Variants in UNC13C observed in about 807,000 individuals in gnomAD.
The protein encoded by UNC13C is protein unc-13 homolog C.
In UNC13C, 174 loss-of-function variants were observed where a neutral mutation model predicts 245.4. That is an observed-to-expected ratio of 0.71 (90% CI 0.63 to 0.80). The LOEUF (loss-of-function observed/expected upper bound fraction) is 0.80, where lower values mean the gene tolerates loss of function less well. UNC13C is among the 30% of genes least tolerant of loss of function. UNC13C has a pLI of 0.00. For synonymous variants in UNC13C, 992 were observed against 895.1 expected, an observed-to-expected ratio of 1.11 and a Z score of -1.93; for missense variants, 2,829 against 2,602.9, an observed-to-expected ratio of 1.09 and a Z score of -1.89.
chr15:54,463,281 G>GGGGGGGGGGGC (rs1221917189), intron 19 of UNC13C, among the ~76,000 whole-genome samples: 3 of 69,020 alleles, frequency 4.3e-5, no homozygotes, highest in Admixed American at 2.7e-4. Context: ...GGGGGGGGGG[G>GGGGGGGGGGGC]GCCGGTCAGG....
At chr15:54,315,881 C>A (rs1434318729) in intron 13 of UNC13C, among the ~76,000 whole-genome samples, 1 of 151,830 alleles carries the variant, frequency 6.6e-6, no homozygotes, top group African/African-American at 2.4e-5. Flanking sequence ...GACAGTTATT[C>A]CTCTCTGAAT....
the UNC13C span, among the ~76,000 whole-genome samples, chr15:53,884,044 C>T: frequency 7.5e-3 from 1,138 of 152,104 alleles, 9 homozygotes; most frequent in African/African-American, 0.026. Flanking sequence ...GAAATGATGC[C>T]GGTACCGTGC....
At chr15:54,279,867 T>C (rs180812398) in intron 10 of UNC13C, among the ~76,000 whole-genome samples, 19 of 152,288 alleles carry the variant, frequency 1.2e-4, no homozygotes, top group African/African-American at 3.4e-4. Flanking sequence ...CTGTATTTTG[T>C]TTACTGTAGG....
the UNC13C span, among the ~76,000 whole-genome samples, chr15:53,839,298 C>G: frequency 7.2e-5 from 11 of 152,054 alleles, no homozygotes; most frequent in Non-Finnish European, 1.0e-4. Context: ...ACAAGATGAA[C>G]AGGATGAAAG....
At chr15:54,058,655 C>T (rs1897655032) in intron 2 of UNC13C, among the ~76,000 whole-genome samples, 2 of 152,146 alleles carry the variant, frequency 1.3e-5, no homozygotes, top group African/African-American at 4.8e-5. Flanking sequence ...AGAGACACAA[C>T]CAAAATAGAG....
rs1332053071 is a variant in UNC13C, at chr15:54,013,278, T to A, written c.375T>A (p.Ser125Arg). The A allele has an allele frequency of 1.2e-6, 2 of 1,613,676 alleles. No individual in the cohort carries two copies. The highest frequency in any genetic ancestry group is 2.2e-5 in the South Asian group (2 of 91,072). Reference sequence around the variant, plus strand: ...TTCAAGAGCTCTCTTCAATCGAGAGTTCCTACTCAGAATCATTAAATGAAC... The same window carrying A: ...TTCAAGAGCTCTCTTCAATCGAGAGATCCTACTCAGAATCATTAAATGAAC... ...DLLQELSSIE[S>R]SYSESLNELR... The change falls in exon 2 of 33, where the codon AGT becomes AGA. Residue 125 changes from serine (S) to arginine (R), a missense_variant. Ser to Arg is a moderately radical substitution (Grantham distance 110, BLOSUM62 -1). Coordinates refer to ENST00000260323, the MANE Select transcript of UNC13C (RefSeq NM_001080534.3).
At chr15:54,304,653 T>TAA (rs55692010) in intron 13 of UNC13C, among the ~76,000 whole-genome samples, 33,337 of 122,978 alleles carry the variant, frequency 0.27, 4,564 homozygotes, top group Admixed American at 0.37. Flanking sequence ...GAGATGTAAC[T>TAA]AAAAAAAAAA....
intron 16 of UNC13C, among the ~76,000 whole-genome samples, chr15:54,335,939 C>T (rs1475923411): frequency 6.6e-6 from 1 of 151,972 alleles, no homozygotes; most frequent in Admixed American, 6.6e-5. Flanking sequence ...TTGGGATTTT[C>T]CATGTTATGT....
intron 2 of UNC13C, among the ~76,000 whole-genome samples, chr15:54,072,398 A>T (rs1595808231): frequency 6.6e-6 from 1 of 152,312 alleles, no homozygotes; most frequent in South Asian, 2.1e-4. Flanking sequence ...ATTTTCCATC[A>T]GAATGCCCAG....
At chr15:54,288,641 G>A (rs995095572) in intron 10 of UNC13C, among the ~76,000 whole-genome samples, 1 of 152,084 alleles carries the variant, frequency 6.6e-6, no homozygotes, top group Non-Finnish European at 1.5e-5. Flanking sequence ...CTAAAAAAGG[G>A]AAGGAGAGGA....
intron 1 of UNC13C, among the ~76,000 whole-genome samples, chr15:53,997,350 T>G (rs1265582333): frequency 6.6e-6 from 1 of 152,198 alleles, no homozygotes; most frequent in Non-Finnish European, 1.5e-5. Flanking sequence ...AGTCAATCTG[T>G]GACTTGCCTT....
intron 2 of UNC13C, among the ~76,000 whole-genome samples, chr15:54,080,006 G>GTTTTTTT (rs3985784): frequency 0.3 from 38,660 of 127,578 alleles, 7,175 homozygotes; most frequent in Non-Finnish European, 0.4. Flanking sequence ...TTGTCGAGCG[G>GTTTTTTT]TTTTTTTTTT....
At chr15:54,203,721 C>CATATATACACATATACATATATATGT (rs2034603644) in intron 4 of UNC13C, among the ~76,000 whole-genome samples, 8 of 140,584 alleles carry the variant, frequency 5.7e-5, no homozygotes, top group Middle Eastern at 3.8e-3. Flanking sequence ...TATATACACA[C>CATATATACACATATACATATATATGT]ATATATACAC....
chr15:54,566,054 C>T (rs1354658938), intron 29 of UNC13C, among the ~76,000 whole-genome samples: 1 of 151,952 alleles, frequency 6.6e-6, no homozygotes, highest in Non-Finnish European at 1.5e-5. Context: ...AAAGTGCCTT[C>T]CTTTCCAGAG....
chr15:54,239,414 T>G (rs2035793107), intron 7 of UNC13C, among the ~76,000 whole-genome samples: 1 of 152,212 alleles, frequency 6.6e-6, no homozygotes, highest in African/African-American at 2.4e-5. Context: ...AATTGCATTC[T>G]CAGAGTATTA....
the UNC13C span, among the ~76,000 whole-genome samples, chr15:53,906,804 T>C: frequency 6.6e-6 from 1 of 151,794 alleles, no homozygotes; most frequent in Non-Finnish European, 1.5e-5. Context: ...GTTGGGGAGG[T>C]CCTCAAGAAA....
intron 19 of UNC13C, among the ~76,000 whole-genome samples, chr15:54,421,827 A>C (rs11071071): frequency 0.28 from 41,876 of 151,970 alleles, 6,117 homozygotes; most frequent in African/African-American, 0.37. Flanking sequence ...TTTCATTAAT[A>C]CACACACTTA....
intron 13 of UNC13C, among the ~76,000 whole-genome samples, chr15:54,305,522 T>C (rs143589182): frequency 6.6e-5 from 10 of 152,164 alleles, no homozygotes; most frequent in African/African-American, 1.9e-4. Flanking sequence ...AAAAACTGTT[T>C]ATGAATAAAT....
intron 2 of UNC13C, among the ~76,000 whole-genome samples, chr15:54,140,887 G>A (rs2414268): frequency 0.56 from 85,149 of 151,936 alleles, 24,692 homozygotes; most frequent in Non-Finnish European, 0.64. Flanking sequence ...AATACAGCAG[G>A]GAGACAAGAA....
Sources: allele counts gnomAD v4.1 joint callset (sites outside exome capture counted in the v4.1 genomes callset), GRCh38; gene constraint gnomAD v4.1.1; transcripts MANE v1.5; gene names NCBI Gene and HGNC (gene_info 2026-07-23, HGNC 2026-07-21).